IPCEF1: variants seen among roughly 807,000 people sequenced by gnomAD.
IPCEF1 encodes interactor protein for cytohesin exchange factors 1.
IPCEF1 carries 31 observed loss-of-function variants against 50.9 expected under a neutral mutation model. The observed-to-expected ratio is 0.61, with a 90% CI of 0.46 to 0.82. The LOEUF (loss-of-function observed/expected upper bound fraction) is 0.82, where lower values mean the gene tolerates loss of function less well. IPCEF1 is among the 40% of genes least tolerant of loss of function. The probability of loss-of-function intolerance (pLI) is 0.00; values close to 1 mark genes in which losing one functional copy is unlikely to be tolerated. For synonymous variants in IPCEF1, 181 were observed against 192.0 expected (o/e 0.94, Z 0.47); for missense variants, 458 against 514.0 (o/e 0.89, Z 1.05).
At chr6:154,209,964 A>T (rs754192700) in intron 9 of IPCEF1, among the ~76,000 whole-genome samples, 1 of 152,266 alleles carries the variant, frequency 6.6e-6, no homozygotes, top group Non-Finnish European at 1.5e-5. Flanking sequence ...CAAAAAATTT[A>T]AAGATACTTC....
At chr6:154,175,768 T>A (rs1800273029) in intron 10 of IPCEF1, among the ~76,000 whole-genome samples, 1 of 152,164 alleles carries the variant, frequency 6.6e-6, no homozygotes, top group African/African-American at 2.4e-5. Flanking sequence ...TACCATTCCT[T>A]CTGAAACTAT....
chr6:154,307,469 T>C (rs9479812), intron 1 of IPCEF1, among the ~76,000 whole-genome samples: 38,834 of 152,140 alleles, frequency 0.26, 5,304 homozygotes, highest in Non-Finnish European at 0.29. Flanking sequence ...GTCTCGGGTA[T>C]GTTTTTATCA....
intron 2 of IPCEF1, among the ~76,000 whole-genome samples, chr6:154,273,680 A>T (rs1226190510): frequency 8.2e-6 from 1 of 122,164 alleles, no homozygotes; most frequent in Admixed American, 7.9e-5. Flanking sequence ...AGCTTCATCC[A>T]AATTATTTTA....
At chr6:154,333,662 GTA>G (rs1271140631) in intron 1 of IPCEF1, among the ~76,000 whole-genome samples, 4 of 150,394 alleles carry the variant, frequency 2.7e-5, no homozygotes, top group Non-Finnish European at 4.4e-5. Context: ...ACATATATGT[GTA>G]TATGTGTGTA....
At chr6:154,339,689 A>C (rs1783864491) in intron 1 of IPCEF1, among the ~76,000 whole-genome samples, 1 of 152,112 alleles carries the variant, frequency 6.6e-6, no homozygotes, top group Admixed American at 6.6e-5. Flanking sequence ...TCCTGGGATC[A>C]AGTGATTCTT....
At chr6:154,207,009 G>A (rs1392091721) in intron 9 of IPCEF1, among the ~76,000 whole-genome samples, 2 of 152,230 alleles carry the variant, frequency 1.3e-5, no homozygotes, top group East Asian at 1.9e-4. Context: ...GTGAATCAAT[G>A]TGATCAGAAC....
At chr6:154,178,638 A>G (rs1017907415) in intron 10 of IPCEF1, among the ~76,000 whole-genome samples, 1 of 152,236 alleles carries the variant, frequency 6.6e-6, no homozygotes, top group African/African-American at 2.4e-5. Flanking sequence ...TGGGGTAACC[A>G]GACATGAAAA....
chr6:154,354,420 C>G (rs1183286686), intron 1 of IPCEF1, among the ~76,000 whole-genome samples: 3 of 151,500 alleles, frequency 2.0e-5, no homozygotes, highest in African/African-American at 7.3e-5. Context: ...CCACCACCTC[C>G]ACCACCACCT....
chr6:154,223,344 A>G (rs1041059456), intron 5 of IPCEF1, 101 bp from the exon 6 acceptor site: 3 of 925,184 alleles, frequency 3.2e-6, no homozygotes, highest in Non-Finnish European at 5.1e-6. Context: ...AAATGACATG[A>G]GGGAGAATCA....
In IPCEF1 at chr6:154,296,348, G is replaced by A. The variant is rs558786741; in HGVS notation, c.-61-6592C>T. ...ACAAAAGTCACTTCTCGGATCCACC[G>A]TTGCCTTCTCTGCTTCTCCTAGAGG... On this transcript the variant is annotated intron_variant, in intron 1 of 11. Transcript: ENST00000367220. Among the ~76,000 whole-genome samples the A allele has an allele frequency of 3.9e-5, 6 of 152,214 alleles. No homozygotes were observed. The South Asian group carries it at 8.3e-4, about 21-fold the overall frequency.
At chr6:154,295,921 A>G (rs1326149056) in intron 1 of IPCEF1, among the ~76,000 whole-genome samples, 5 of 145,994 alleles carry the variant, frequency 3.4e-5, no homozygotes, top group Admixed American at 2.7e-4. Context: ...GCACACACAC[A>G]CACACACACA....
At chr6:154,221,657 A>C (rs546507832) in intron 6 of IPCEF1, among the ~76,000 whole-genome samples, 1 of 152,168 alleles carries the variant, frequency 6.6e-6, no homozygotes, top group African/African-American at 2.4e-5. Context: ...GCAGATCACG[A>C]GGTCAGGAGA....
chr6:154,176,060 A>T (rs1308051103), intron 10 of IPCEF1, among the ~76,000 whole-genome samples: 1 of 152,220 alleles, frequency 6.6e-6, no homozygotes. Context: ...AAACAGAACC[A>T]ATGATAAAAA....
intron 9 of IPCEF1, among the ~76,000 whole-genome samples, chr6:154,209,640 T>A (rs1368239034): frequency 8.6e-6 from 1 of 116,410 alleles, no homozygotes; most frequent in African/African-American, 3.2e-5. Context: ...TGAGACTGTG[T>A]CTCAAAAAAA....
Position 154,281,301 on chromosome 6 carries a change from C to T in IPCEF1, c.-18+8412G>A, listed in dbSNP as rs143437711. On this transcript the variant is annotated intron_variant, in intron 2 of 11. Transcript: ENST00000367220. ...CCGGGAGGTGGAGGTTGCAGTGAGG[C>T]GAGATAGCGCCACTACACTCCAGCC... Among the ~76,000 whole-genome samples the T allele has an allele frequency of 8.0e-3, 1,200 of 149,428 alleles. 14 individuals are homozygous for T. The highest frequency in any genetic ancestry group is 0.028 in the African/African-American group (1,140 of 40,572).
At chr6:154,313,964 TCTCAAACTCCTGGC>T (rs1783150435) in intron 1 of IPCEF1, among the ~76,000 whole-genome samples, 1 of 151,902 alleles carries the variant, frequency 6.6e-6, no homozygotes, top group Admixed American at 6.6e-5. Context: ...GCCAGGCTGG[TCTCAAACTCCTGGC>T]CTCAAGCAAT....
At chr6:154,318,808 T>C (rs1399461949) in intron 1 of IPCEF1, among the ~76,000 whole-genome samples, 2 of 151,822 alleles carry the variant, frequency 1.3e-5, no homozygotes, top group Admixed American at 6.6e-5. Context: ...CCTCATTCCA[T>C]CCATACACAA....
chr6:154,272,097 C>T (rs968366239), intron 2 of IPCEF1, among the ~76,000 whole-genome samples: 3 of 152,194 alleles, frequency 2.0e-5, no homozygotes, highest in Non-Finnish European at 4.4e-5. Context: ...CTGCTTAATG[C>T]TCTGACTAGC....
At chr6:154,339,799 T>C (rs960724683) in intron 1 of IPCEF1, among the ~76,000 whole-genome samples, 1 of 151,968 alleles carries the variant, frequency 6.6e-6, no homozygotes, top group African/African-American at 2.4e-5. Context: ...TCTCACTATG[T>C]ATAACCCAGG....
Sources: allele counts gnomAD v4.1 joint callset (sites outside exome capture counted in the v4.1 genomes callset), GRCh38; gene constraint gnomAD v4.1.1; transcripts MANE v1.5; gene names NCBI Gene and HGNC (gene_info 2026-07-23, HGNC 2026-07-21).